Variants in FBXL17 observed in about 807,000 individuals in gnomAD.
FBXL17 encodes F-box and leucine rich repeat protein 17.
FBXL17 carries 22 observed loss-of-function variants against 66.2 expected under a neutral mutation model. That is an observed-to-expected ratio of 0.33 (90% CI 0.24 to 0.47). The LOEUF is 0.47. Ranked by LOEUF, FBXL17 falls within the 20% of genes least tolerant of loss-of-function variation. The probability of loss-of-function intolerance (pLI) is 1.00; values close to 1 mark genes in which losing one functional copy is unlikely to be tolerated. For synonymous variants in FBXL17, 474 were observed against 400.5 expected (o/e 1.18, Z -2.19); for missense variants, 878 against 948.2 (o/e 0.93, Z 0.97).
At chr5:108,330,472 A>G (rs963298393) in intron 4 of FBXL17, among the ~76,000 whole-genome samples, 2 of 152,232 alleles carry the variant, frequency 1.3e-5, no homozygotes, top group African/African-American at 4.8e-5. Flanking sequence ...AAACTTCTCA[A>G]ACTACAACCC....
intron 7 of FBXL17, among the ~76,000 whole-genome samples, chr5:107,993,600 C>G (rs1331834234): frequency 6.6e-6 from 1 of 152,138 alleles, no homozygotes; most frequent in Non-Finnish European, 1.5e-5. Flanking sequence ...AAGACCTGCA[C>G]AAATAGGAAT....
At chr5:107,994,553 T>C (rs1386436694) in intron 7 of FBXL17, among the ~76,000 whole-genome samples, 1 of 152,104 alleles carries the variant, frequency 6.6e-6, no homozygotes, top group African/African-American at 2.4e-5. Flanking sequence ...ATCAAACCTA[T>C]ACAAGGCTGG....
intron 7 of FBXL17, among the ~76,000 whole-genome samples, chr5:107,960,686 A>T (rs529878627): frequency 6.6e-6 from 1 of 152,178 alleles, no homozygotes; most frequent in South Asian, 2.1e-4. Context: ...AAGGTTTCTG[A>T]ATAAATAAAA....
chr5:108,005,089 A>G (rs1753873596), intron 7 of FBXL17, among the ~76,000 whole-genome samples: 1 of 141,926 alleles, frequency 7.0e-6, no homozygotes, highest in African/African-American at 2.8e-5. Context: ...CAAATTTTCA[A>G]TGACTTTTTT....
intron 4 of FBXL17, among the ~76,000 whole-genome samples, chr5:108,236,280 G>A (rs1561480926): frequency 1.3e-5 from 2 of 151,782 alleles, no homozygotes; most frequent in Admixed American, 6.6e-5. Context: ...GGAAGGCCAA[G>A]GCAGGAGGAT....
At position 107,892,344 on chromosome 5, in the gene FBXL17, A is replaced by T. The variant is rs187748184; in HGVS notation, c.1823-11165T>A. ...TCACACTTATTCTTTTATTCTAAAAATATTTATTGGGTAGCTACAAGTATG... is the reference window on the plus strand; with the variant it reads ...TCACACTTATTCTTTTATTCTAAAATTATTTATTGGGTAGCTACAAGTATG... On this transcript the variant is annotated intron_variant, in intron 7 of 8. Transcript: ENST00000542267. Among the ~76,000 whole-genome samples the T allele has an allele frequency of 1.5e-3, 225 of 152,244 alleles. 1 individual carries two copies. The highest frequency in any genetic ancestry group is 2.5e-3 in the Non-Finnish European group (173 of 68,020).
At chr5:108,122,511 T>C (rs1750542416) in intron 6 of FBXL17, among the ~76,000 whole-genome samples, 1 of 152,216 alleles carries the variant, frequency 6.6e-6, no homozygotes, top group Non-Finnish European at 1.5e-5. Flanking sequence ...AATATGGACT[T>C]ATGTTTTATG....
intron 6 of FBXL17, among the ~76,000 whole-genome samples, chr5:108,184,400 G>A (rs748465056): frequency 7.3e-5 from 11 of 151,010 alleles, no homozygotes; most frequent in Non-Finnish European, 1.3e-4. Flanking sequence ...TCTGCCTCCC[G>A]GGTTCACGCC....
chr5:107,914,473 T>C (rs1750059995), intron 7 of FBXL17, among the ~76,000 whole-genome samples: 1 of 152,166 alleles, frequency 6.6e-6, no homozygotes, highest in Admixed American at 6.6e-5. Flanking sequence ...GCCCACCAAA[T>C]TATTCAATTT....
intron 4 of FBXL17, among the ~76,000 whole-genome samples, chr5:108,242,550 G>A (rs977991718): frequency 1.3e-5 from 2 of 152,024 alleles, no homozygotes; most frequent in Non-Finnish European, 2.9e-5. Context: ...TTAGTCCTAT[G>A]TAATTATTTC....
chr5:108,080,226 C>T (rs7732404), intron 6 of FBXL17, among the ~76,000 whole-genome samples: 1,828 of 152,302 alleles, frequency 0.012, 37 homozygotes, highest in African/African-American at 0.041. Context: ...AAAAGCCTAT[C>T]TACACCTAAA....
chr5:108,311,674 G>A (rs1035383870), intron 4 of FBXL17, among the ~76,000 whole-genome samples: 4 of 151,930 alleles, frequency 2.6e-5, no homozygotes, highest in Admixed American at 2.6e-4. Context: ...TTGCCATTCT[G>A]CATAAGCTCA....
At chr5:108,037,190 A>C (rs1746879744) in intron 6 of FBXL17, among the ~76,000 whole-genome samples, 1 of 152,236 alleles carries the variant, frequency 6.6e-6, no homozygotes, top group Non-Finnish European at 1.5e-5. Context: ...GTAAGCAAAA[A>C]AACAACAGAA....
intron 7 of FBXL17, among the ~76,000 whole-genome samples, chr5:107,974,260 A>G (rs1460412387): frequency 1.3e-5 from 2 of 152,174 alleles, no homozygotes; most frequent in East Asian, 1.9e-4. Context: ...GTGATAGTCA[A>G]CAACGTACGT....
chr5:108,252,241 A>C (rs1007353116), intron 4 of FBXL17, among the ~76,000 whole-genome samples: 1 of 152,146 alleles, frequency 6.6e-6, no homozygotes, highest in African/African-American at 2.4e-5. Flanking sequence ...CTAGTTTATC[A>C]CTAAGATTCC....
chr5:108,298,976 G>C, intron 4 of FBXL17: 1 of 969,434 alleles, frequency 1.0e-6, no homozygotes, highest in Non-Finnish European at 1.2e-6. Context: ...AGCATTTAAT[G>C]TATTAGGAGA....
chr5:108,040,306 C>T (rs766134922), intron 6 of FBXL17, among the ~76,000 whole-genome samples: 19 of 152,080 alleles, frequency 1.2e-4, no homozygotes, highest in Admixed American at 6.6e-4. Flanking sequence ...GAAAAAGACA[C>T]GTACATGGTG....
intron 7 of FBXL17, among the ~76,000 whole-genome samples, chr5:107,890,843 TG>T (rs775629012): frequency 2.6e-4 from 39 of 151,982 alleles, no homozygotes; most frequent in Non-Finnish European, 3.4e-4. Context: ...GGGAAGAACA[TG>T]GGGGATAATG....
intron 6 of FBXL17, among the ~76,000 whole-genome samples, chr5:108,138,651 A>C (rs1580497659): frequency 6.6e-6 from 1 of 152,224 alleles, no homozygotes; most frequent in East Asian, 1.9e-4. Context: ...ATTTTGAAGA[A>C]GTAATGCATC....
Sources: allele counts gnomAD v4.1 joint callset (sites outside exome capture counted in the v4.1 genomes callset), GRCh38; gene constraint gnomAD v4.1.1; transcripts MANE v1.5; gene names NCBI Gene and HGNC (gene_info 2026-07-23, HGNC 2026-07-21).